Variants in TMEM132D observed in about 807,000 individuals in gnomAD.
TMEM132D encodes the protein mature OL transmembrane protein.
Under a neutral mutation model 62.3 loss-of-function variants are expected in TMEM132D, and 21 were observed. The observed-to-expected ratio is 0.34, with a 90% CI of 0.24 to 0.49. The LOEUF is 0.49. Ranked by LOEUF, TMEM132D falls within the 20% of genes least tolerant of loss-of-function variation. TMEM132D has a pLI of 0.99. For synonymous variants in TMEM132D, 621 were observed against 575.6 expected (o/e 1.08, Z -1.13); for missense variants, 1,346 against 1,402.8 (o/e 0.96, Z 0.65).
chr12:129,553,128 AGT>A (rs1876947411), intron 2 of TMEM132D, among the ~76,000 whole-genome samples: 1 of 151,960 alleles, frequency 6.6e-6, no homozygotes, highest in Non-Finnish European at 1.5e-5. Flanking sequence ...AGACTCCGAG[AGT>A]GTTGCGCGTT....
intron 3 of TMEM132D, among the ~76,000 whole-genome samples, chr12:129,358,633 A>C (rs1046767923): frequency 1.2e-4 from 18 of 152,302 alleles, no homozygotes; most frequent in Admixed American, 1.1e-3. Flanking sequence ...ACATCAACCA[A>C]CATAAATTGG....
intron 3 of TMEM132D, among the ~76,000 whole-genome samples, chr12:129,514,004 A>T (rs934845386): frequency 6.8e-6 from 1 of 147,668 alleles, no homozygotes; most frequent in Non-Finnish European, 1.5e-5. Context: ...CGCCTGGCTA[A>T]TTTTTTTTGT....
intron 2 of TMEM132D, among the ~76,000 whole-genome samples, chr12:129,674,809 G>A (rs1009877973): frequency 6.6e-6 from 1 of 152,142 alleles, no homozygotes; most frequent in Non-Finnish European, 1.5e-5. Context: ...AAAGGGCTGG[G>A]ATTACAGGCG....
intron 3 of TMEM132D, among the ~76,000 whole-genome samples, chr12:129,466,374 C>T (rs1272151722): frequency 6.9e-6 from 1 of 144,830 alleles, no homozygotes; most frequent in African/African-American, 2.6e-5. Context: ...GGGAGTGGCA[C>T]GATCATGGCT....
intron 3 of TMEM132D, among the ~76,000 whole-genome samples, chr12:129,351,956 G>C (rs1869880273): frequency 6.6e-6 from 1 of 152,106 alleles, no homozygotes; most frequent in Admixed American, 6.5e-5. Context: ...TATTCAGCCT[G>C]AAGAAGTTAC....
chr12:129,297,520 C>A (rs546285472), intron 4 of TMEM132D, among the ~76,000 whole-genome samples: 1 of 152,322 alleles, frequency 6.6e-6, no homozygotes, highest in Non-Finnish European at 1.5e-5. Context: ...AGCAGCAGGT[C>A]AACGCCTCTG....
chr12:129,896,859 C>G (rs1875155695), intron 1 of TMEM132D, among the ~76,000 whole-genome samples: 1 of 152,170 alleles, frequency 6.6e-6, no homozygotes, highest in Admixed American at 6.5e-5. Flanking sequence ...TTTGAATTCT[C>G]TTTCAAAGGC....
rs1327114254 is a variant in TMEM132D, at chr12:129,903,152, C to T, written c.79+109G>A. 4 of 1,174,608 alleles carry T rather than the reference C, an allele frequency of 3.4e-6. No individual in the cohort carries two copies. The Admixed American group carries it at 6.4e-5, about 19-fold the overall frequency. 72.8% of individuals were successfully genotyped at this position (1,174,608 alleles called of 1,614,324 possible). On this transcript the variant is annotated intron_variant, in intron 1 of 8. Transcript: ENST00000422113. The surrounding 1 kb of genome is among the most constrained non-coding windows in gnomAD (Gnocchi z 6.2). The stretch of plus-strand genomic sequence containing the variant: ...ACACATGCACACAAGCGCGCACACA[C>T]ACTTGCACACGAGCCCTCTCTCCCG...
At chr12:129,621,904 CCTT>C (rs1366024274) in intron 2 of TMEM132D, among the ~76,000 whole-genome samples, 1 of 152,180 alleles carries the variant, frequency 6.6e-6, no homozygotes, top group African/African-American at 2.4e-5. Context: ...AGTTTTTCTT[CCTT>C]CTTTTCTCCT....
chr12:129,184,462 G>C (rs930242157), intron 5 of TMEM132D, among the ~76,000 whole-genome samples: 2 of 152,186 alleles, frequency 1.3e-5, no homozygotes, highest in Admixed American at 6.5e-5. Context: ...TGATTTCTGG[G>C]CCGTCTGGCT....
chr12:129,471,738 T>C lies in TMEM132D; in HGVS notation c.1115+59321A>G, dbSNP rs563120853. On this transcript the variant is annotated intron_variant, in intron 3 of 8. Transcript: ENST00000422113. ...CCAAGCTGTGAATGCAAAGGAGAAG[T>C]TTTTGAAGGAAACTAAAAGTGCCAC... Among the ~76,000 whole-genome samples the C allele has an allele frequency of 3.3e-5, 5 of 152,176 alleles. No individual in the cohort carries two copies. The East Asian group carries it at 7.7e-4, about 24-fold the overall frequency.
At chr12:129,367,677 TGAATA>T (rs1232428339) in intron 3 of TMEM132D, among the ~76,000 whole-genome samples, 1 of 152,022 alleles carries the variant, frequency 6.6e-6, no homozygotes. Flanking sequence ...GGACATAATT[TGAATA>T]CTTGGATCCA....
chr12:129,344,826 G>A (rs761827381), intron 3 of TMEM132D, among the ~76,000 whole-genome samples: 5 of 151,790 alleles, frequency 3.3e-5, no homozygotes, highest in South Asian at 2.1e-4. Flanking sequence ...ATTTCCGTCC[G>A]TCTGCTTGCA....
At chr12:129,615,803 A>AATAAT (rs1470160721) in intron 2 of TMEM132D, among the ~76,000 whole-genome samples, 2 of 138,914 alleles carry the variant, frequency 1.4e-5, no homozygotes, top group African/African-American at 5.9e-5. Context: ...AACAAAATAA[A>AATAAT]ATAAAATAAA....
At chr12:129,307,777 A>G (rs1043223274) in intron 4 of TMEM132D, among the ~76,000 whole-genome samples, 2 of 152,078 alleles carry the variant, frequency 1.3e-5, no homozygotes, top group African/African-American at 4.8e-5. Flanking sequence ...TCTTAGCTGG[A>G]CTCTGCCACA....
chr12:129,337,916 T>C (rs2135658646), intron 3 of TMEM132D, 99 bp from the exon 4 acceptor site: 1 of 1,270,292 alleles, frequency 7.9e-7, no homozygotes, highest in Non-Finnish European at 1.1e-6. Context: ...TCTATGTACC[T>C]CCACATGGAA....
chr12:129,724,312 T>C (rs141787072), intron 1 of TMEM132D, among the ~76,000 whole-genome samples: 143 of 152,262 alleles, frequency 9.4e-4, no homozygotes, highest in African/African-American at 3.1e-3. Context: ...ATGCTACAGG[T>C]ACTGAAGATG....
intron 5 of TMEM132D, among the ~76,000 whole-genome samples, chr12:129,143,349 G>C (rs999360761): frequency 4.6e-5 from 7 of 152,152 alleles, no homozygotes; most frequent in Non-Finnish European, 1.0e-4. Context: ...TGGGGGAGGG[G>C]GCATGGAGCT....
intron 2 of TMEM132D, among the ~76,000 whole-genome samples, chr12:129,637,296 T>C (rs1299072337): frequency 6.6e-6 from 1 of 152,236 alleles, no homozygotes; most frequent in African/African-American, 2.4e-5. Flanking sequence ...TTTGCCTTTG[T>C]CTCAGAATTT....
Sources: gnomAD v4.1 joint callset for allele counts (sites outside exome capture counted in the v4.1 genomes callset) on GRCh38, gnomAD v4.1.1 for gene constraint, Gnocchi (gnomAD v3.1) non-coding constraint, MANE v1.5 for transcripts, NCBI Gene and HGNC (gene_info 2026-07-23, HGNC 2026-07-21) for gene names.